Variants in ZNF516 observed in about 807,000 individuals in gnomAD.
ZNF516 encodes the protein zinc finger protein 516.
ZNF516 carries 19 observed loss-of-function variants against 79.7 expected under a neutral mutation model. That is an observed-to-expected ratio of 0.24 (90% CI 0.17 to 0.35). The LOEUF (loss-of-function observed/expected upper bound fraction) is 0.35, where lower values mean the gene tolerates loss of function less well. Ranked by LOEUF, ZNF516 falls within the 10% of genes least tolerant of loss-of-function variation. ZNF516 has a pLI of 1.00. For synonymous variants in ZNF516, 877 were observed against 739.5 expected, an observed-to-expected ratio of 1.19 and a Z score of -3.02; for missense variants, 1,678 against 1,679.5, an observed-to-expected ratio of 1.00 and a Z score of 0.02.
At chr18:76,363,548 G>A (rs988436938) in intron 6 of ZNF516, among the ~76,000 whole-genome samples, 2 of 152,198 alleles carry the variant, frequency 1.3e-5, no homozygotes, top group Non-Finnish European at 2.9e-5. Context: ...TTTTACGAGG[G>A]GTTAGGGGGT....
Position 76,441,486 on chromosome 18 carries a change from G to C in ZNF516, c.1569C>G (p.Ile523Met). Reference sequence around the variant, plus strand: ...GCACCATCTGATGATAGGTGCGGAAGATCTTGCCGCACTCGAAGCACTCGG... The same window carrying C: ...GCACCATCTGATGATAGGTGCGGAACATCTTGCCGCACTCGAAGCACTCGG... ...KSSECFECGKIFRTYHQMVLH... is the reference protein window; with the variant it reads ...KSSECFECGKMFRTYHQMVLH... The change falls in exon 3 of 7, where the codon ATC becomes ATG. Residue 523 changes from isoleucine (I) to methionine (M), a missense_variant. Coordinates refer to ENST00000443185, the MANE Select transcript of ZNF516 (RefSeq NM_014643.4). 3 of 1,600,990 alleles carry C rather than the reference G, an allele frequency of 1.9e-6. No individual in the cohort carries two copies. The highest frequency in any genetic ancestry group is 2.6e-6 in the Non-Finnish European group (3 of 1,175,172).
At chr18:76,445,637 T>A (rs1326568124) in intron 2 of ZNF516, among the ~76,000 whole-genome samples, 1 of 152,258 alleles carries the variant, frequency 6.6e-6, no homozygotes, top group South Asian at 2.1e-4. Context: ...ATCCTGGAAA[T>A]TGGTGGCTCT....
chr18:76,486,862 G>C lies in ZNF516; in HGVS notation c.-272+8282C>G, dbSNP rs1914862691. Among the ~76,000 whole-genome samples, 8 of 152,168 alleles carry C rather than the reference G, an allele frequency of 5.3e-5. No individual in the cohort carries two copies. In the South Asian group the frequency reaches 1.7e-3, roughly 32 times the overall value. On this transcript the variant is annotated intron_variant, in intron 1 of 6. Coordinates refer to ENST00000443185, the MANE Select transcript of ZNF516 (RefSeq NM_014643.4). Reference sequence around the variant, plus strand: ...ATTCTATAGACTTTACTTACTTCCTGACCAAGGTTCGGGGGGAAGGTACAG... The same window carrying C: ...ATTCTATAGACTTTACTTACTTCCTCACCAAGGTTCGGGGGGAAGGTACAG...
chr18:76,398,913 A>C (rs28742270), intron 3 of ZNF516, among the ~76,000 whole-genome samples: 2 of 148,660 alleles, frequency 1.3e-5, no homozygotes, highest in African/African-American at 5.0e-5. Context: ...ATGAGTCTTT[A>C]AAAAAAAAAA....
At chr18:76,435,096 C>T (rs533244209) in intron 3 of ZNF516, among the ~76,000 whole-genome samples, 14 of 152,250 alleles carry the variant, frequency 9.2e-5, no homozygotes, top group Admixed American at 8.5e-4. Flanking sequence ...CCTCTTAGTT[C>T]CCTCCCACCT....
At chr18:76,462,266 A>T (rs1236943874) in intron 2 of ZNF516, among the ~76,000 whole-genome samples, 4 of 152,142 alleles carry the variant, frequency 2.6e-5, no homozygotes, top group Admixed American at 2.6e-4. Flanking sequence ...GCTTTGTAGG[A>T]ATCCCAAGAA....
chr18:76,380,421 C>T lies in ZNF516; in HGVS notation c.1811-118G>A, dbSNP rs79398270. The T allele has an allele frequency of 3.0e-3, 3,978 of 1,344,362 alleles. 42 individuals are homozygous for T. Among genetic ancestry groups the T allele is most frequent in the African/African-American group, 0.024 (1,673 of 68,614 alleles). The allele number at this position is 1,344,362 out of a possible 1,614,324, so 83.3% of individuals were successfully genotyped here. ...CATCTGTCTTCAGCGGGAGAAGCCA[C>T]CCTTGAGTCTGGGTGGCTCTTAGAA... On this transcript the variant is annotated intron_variant, in intron 3 of 6. Coordinates refer to ENST00000443185, the MANE Select transcript of ZNF516 (RefSeq NM_014643.4).
chr18:76,473,380 C>T (rs1363895232), intron 1 of ZNF516, among the ~76,000 whole-genome samples: 1 of 95,348 alleles, frequency 1.0e-5, no homozygotes, highest in Non-Finnish European at 2.2e-5. Flanking sequence ...AAAAAAAAAA[C>T]ACCTATGACT....
intron 3 of ZNF516, among the ~76,000 whole-genome samples, chr18:76,395,044 G>A (rs1021355623): frequency 1.3e-5 from 2 of 152,206 alleles, no homozygotes; most frequent in Non-Finnish European, 2.9e-5. Context: ...ACATGAGTGA[G>A]CATTTGGTCA....
At chr18:76,375,174 A>C (rs187233428) in intron 4 of ZNF516, among the ~76,000 whole-genome samples, 2 of 152,340 alleles carry the variant, frequency 1.3e-5, no homozygotes, top group East Asian at 3.9e-4. Flanking sequence ...GACCACACCA[A>C]GGCTGCTGGG....
intron 3 of ZNF516, among the ~76,000 whole-genome samples, chr18:76,428,231 C>CA (rs879590266): frequency 7.2e-4 from 102 of 141,108 alleles, no homozygotes; most frequent in African/African-American, 1.6e-3. Context: ...ACTAAAAATG[C>CA]AAAAAAAAAA....
At chr18:76,412,033 C>CTCGTTTGGTCTT (rs539495273) in intron 3 of ZNF516, among the ~76,000 whole-genome samples, 2,135 of 152,238 alleles carry the variant, frequency 0.014, 26 homozygotes, top group Non-Finnish European at 0.02. Flanking sequence ...TCTCCAAGAC[C>CTCGTTTGGTCTT]GTGTGGGTGT....
chr18:76,390,613 G>A (rs1241352700), intron 3 of ZNF516, among the ~76,000 whole-genome samples: 2 of 152,210 alleles, frequency 1.3e-5, no homozygotes, highest in Admixed American at 1.3e-4. Context: ...CCACCCACAA[G>A]TCTCCAAGTC....
intron 2 of ZNF516, among the ~76,000 whole-genome samples, chr18:76,462,103 T>C (rs1913150196): frequency 6.6e-6 from 1 of 152,150 alleles, no homozygotes; most frequent in Non-Finnish European, 1.5e-5. Context: ...TTTTTCAAAG[T>C]GTTTCTGCCA....
chr18:76,427,980 AACAC>A (rs1009200862), intron 3 of ZNF516, among the ~76,000 whole-genome samples: 3 of 152,262 alleles, frequency 2.0e-5, no homozygotes, highest in East Asian at 1.9e-4. Context: ...GGCATGGAGA[AACAC>A]ACACACTCAT....
intron 3 of ZNF516, among the ~76,000 whole-genome samples, chr18:76,413,417 C>T (rs1411272538): frequency 6.6e-6 from 1 of 152,034 alleles, no homozygotes; most frequent in Non-Finnish European, 1.5e-5. Context: ...ACCCAACAGA[C>T]GTCTGTTCAA....
At chr18:76,367,623 C>T (rs944294706) in intron 6 of ZNF516, among the ~76,000 whole-genome samples, 2 of 152,166 alleles carry the variant, frequency 1.3e-5, no homozygotes, top group East Asian at 3.9e-4. Context: ...CATCCCTCCG[C>T]CCCTCCATAG....
chr18:76,370,579 A>G lies in ZNF516; in HGVS notation c.3381T>C (p.Asp1127=). 1 of 1,604,780 alleles carries G rather than the reference A, an allele frequency of 6.2e-7. No individual in the cohort carries two copies. Among genetic ancestry groups the G allele is most frequent in the Non-Finnish European group, 8.5e-7 (1 of 1,175,268 alleles). Reference sequence around the variant, plus strand: ...TATGAACTTCAGAACCCCGAGGCCCATCGGACTCAAACACCACTGTGGGAA... The same window carrying G: ...TATGAACTTCAGAACCCCGAGGCCCGTCGGACTCAAACACCACTGTGGGAA... The part of the protein sequence containing the change: ...MRAHSVVFES[D]GPRGSEVHTT... Residue 1127 remains aspartate, a synonymous_variant, in exon 6 of 7, where the codon GAT becomes GAC. Coordinates refer to ENST00000443185, the MANE Select transcript of ZNF516 (RefSeq NM_014643.4).
intron 3 of ZNF516, among the ~76,000 whole-genome samples, chr18:76,414,485 TAC>T (rs760907904): frequency 2.6e-5 from 4 of 152,362 alleles, no homozygotes; most frequent in African/African-American, 4.8e-5. Context: ...ATGCTGAATG[TAC>T]ACAGTTTTCG....
Sources: gnomAD v4.1 joint callset for allele counts (sites outside exome capture counted in the v4.1 genomes callset) on GRCh38, gnomAD v4.1.1 for gene constraint, MANE v1.5 for transcripts, NCBI Gene and HGNC (gene_info 2026-07-23, HGNC 2026-07-21) for gene names.